Variants in UTP20 observed in about 807,000 individuals in gnomAD.
The protein encoded by UTP20 is small subunit processome component 20 homolog.
UTP20 carries 164 observed loss-of-function variants against 329.5 expected under a neutral mutation model. The observed-to-expected ratio is 0.50, with a 90% CI of 0.44 to 0.57. UTP20 has a LOEUF of 0.57. UTP20 is among the 20% of genes least tolerant of loss of function. The pLI is 0.00. For missense variants in UTP20, 3,055 were observed against 3,284.2 expected (o/e 0.93, Z 1.71); for synonymous variants, 1,151 against 1,159.3 (o/e 0.99, Z 0.14).
At position 101,346,432 on chromosome 12, in the gene UTP20, T is replaced by A. The variant is rs1205032925; in HGVS notation, c.4747-19T>A. Reference sequence around the variant, plus strand: ...GTGAGATTATTCGGTAACTAATTCATATTTTATCTTACCCATAGATCCACA... The same window carrying A: ...GTGAGATTATTCGGTAACTAATTCAAATTTTATCTTACCCATAGATCCACA... On this transcript the variant is annotated intron_variant, in intron 37 of 61. Coordinates refer to ENST00000261637, the MANE Select transcript of UTP20 (RefSeq NM_014503.3). 5 of 1,568,872 alleles carry A rather than the reference T, an allele frequency of 3.2e-6. No homozygotes were observed. The highest frequency in any genetic ancestry group is 4.3e-6 in the Non-Finnish European group (5 of 1,163,838).
intron 60 of UTP20, among the ~76,000 whole-genome samples, chr12:101,384,029 T>C (rs200962871): frequency 1.0e-5 from 1 of 100,430 alleles, no homozygotes; most frequent in Non-Finnish European, 2.3e-5. Flanking sequence ...AAAGAAAACT[T>C]ATATCAAGAT....
At chr12:101,370,947 A>G in intron 50 of UTP20, 111 bp from the exon 51 acceptor site, 1 of 863,762 alleles carries the variant, frequency 1.2e-6, no homozygotes, top group South Asian at 1.7e-5. Context: ...TCTTTTGAAG[A>G]TACTTTCTTG....
intron 19 of UTP20, among the ~76,000 whole-genome samples, chr12:101,311,375 C>G (rs984289647): frequency 3.9e-5 from 6 of 152,122 alleles, no homozygotes; most frequent in Non-Finnish European, 7.4e-5. Flanking sequence ...TAGTTTTGAA[C>G]AAACTGACTT....
At chr12:101,293,814 A>G (rs1171416447) in intron 11 of UTP20, among the ~76,000 whole-genome samples, 1 of 152,148 alleles carries the variant, frequency 6.6e-6, no homozygotes, top group African/African-American at 2.4e-5. Flanking sequence ...TTTCTGCCCC[A>G]GGAAGACTCT....
rs1872463380 is a variant in UTP20, at chr12:101,299,694, G to A, written c.1443G>A (p.Lys481=). 1.9e-6 allele frequency: 3 copies of A among 1,589,414 alleles called. No homozygotes were observed. In the East Asian group the frequency reaches 6.7e-5, roughly 36 times the overall value. Residue 481 remains lysine (K), a synonymous_variant, in exon 13 of 62, where the codon AAG becomes AAA. Coordinates refer to ENST00000261637, the MANE Select transcript of UTP20 (RefSeq NM_014503.3). ...FSPQMVGFYI[K]QKKTRSKGRN... ...TTTAATCCTTCAGATTCTATATAAA[G>A]CAGAAGAAGACTAGATCCAAGGGAA...
At chr12:101,361,633 AAAT>A (rs1869922143) in intron 43 of UTP20, among the ~76,000 whole-genome samples, 1 of 21,534 alleles carries the variant, frequency 4.6e-5, no homozygotes, top group Non-Finnish European at 7.2e-5. Flanking sequence ...TCTCAAAAAT[AAAT>A]AAATAAATAA....
intron 38 of UTP20, among the ~76,000 whole-genome samples, chr12:101,347,480 G>A (rs1040381749): frequency 7.2e-5 from 11 of 152,010 alleles, no homozygotes; most frequent in Non-Finnish European, 5.9e-5. Flanking sequence ...CCGAGATTAC[G>A]CTACTGCACT....
chr12:101,381,653 T>C (rs1870649306), intron 58 of UTP20, among the ~76,000 whole-genome samples: 1 of 152,210 alleles, frequency 6.6e-6, no homozygotes, highest in Admixed American at 6.5e-5. Flanking sequence ...TACACTCAAA[T>C]ATATGTTCAA....
chr12:101,331,797 T>C (rs1868770075), intron 27 of UTP20, among the ~76,000 whole-genome samples: 1 of 152,158 alleles, frequency 6.6e-6, no homozygotes, highest in South Asian at 2.1e-4. Flanking sequence ...TAAGGTGATA[T>C]ATAAAAATAA....
chr12:101,326,858 G>A, intron 25 of UTP20: 1 of 336,508 alleles, frequency 3.0e-6, no homozygotes, highest in Non-Finnish European at 5.3e-6. Context: ...CAGGTAGCTG[G>A]GACTACAGGC....
At chr12:101,322,491 A>G (rs1264749535) in intron 25 of UTP20, among the ~76,000 whole-genome samples, 1 of 152,206 alleles carries the variant, frequency 6.6e-6, no homozygotes, top group Non-Finnish European at 1.5e-5. Flanking sequence ...TACAAAGTTT[A>G]TATATGCTGG....
At chr12:101,372,991 G>A (rs1211503006) in intron 52 of UTP20, 28 bp downstream of exon 52, 1 of 1,589,042 alleles carries the variant, frequency 6.3e-7, no homozygotes, top group Admixed American at 1.7e-5. Flanking sequence ...ACTACACAGG[G>A]GCGGAGGGTA....
At chr12:101,327,809 TAATAACAGTAA>T (rs2137265546) in intron 26 of UTP20, among the ~76,000 whole-genome samples, 1 of 152,356 alleles carries the variant, frequency 6.6e-6, no homozygotes, top group Admixed American at 6.5e-5. Flanking sequence ...CAGTAATTAT[TAATAACAGTAA>T]TGACTAACAT....
chr12:101,379,748 T>C (rs997025371), intron 57 of UTP20, among the ~76,000 whole-genome samples, 190 bp downstream of exon 57: 2 of 152,176 alleles, frequency 1.3e-5, no homozygotes, highest in African/African-American at 4.8e-5. Context: ...TCAAAGATAA[T>C]TTTTAGACCA....
At chr12:101,306,856 A>G (rs1480395043) in intron 17 of UTP20, 95 bp downstream of exon 17, 1 of 1,250,284 alleles carries the variant, frequency 8.0e-7, no homozygotes, top group Non-Finnish European at 1.1e-6. Context: ...AAATTAACAC[A>G]CTATATAAAT....
At chr12:101,378,866 G>A (rs992541017) in intron 56 of UTP20, among the ~76,000 whole-genome samples, 1 of 152,106 alleles carries the variant, frequency 6.6e-6, no homozygotes, top group East Asian at 1.9e-4. Context: ...TGGTTTTCTA[G>A]TCGTTTCCAG....
chr12:101,351,773 A>G (rs1869537388), intron 38 of UTP20, among the ~76,000 whole-genome samples: 2 of 151,900 alleles, frequency 1.3e-5, no homozygotes, highest in African/African-American at 2.4e-5. Context: ...CGATTTTTCT[A>G]CATTGAATTT....
rs1245840268 is a variant in UTP20, at chr12:101,373,644, T to C, written c.7008T>C (p.Asn2336=). 6.2e-7 allele frequency: 1 copy of C among 1,613,388 alleles called. No homozygotes were observed. The highest frequency in any genetic ancestry group is 8.5e-7 in the Non-Finnish European group (1 of 1,179,886). The change falls in exon 54 of 62, where the codon AAT becomes AAC. Residue 2336 remains asparagine, a synonymous_variant. Coordinates refer to ENST00000261637, the MANE Select transcript of UTP20 (RefSeq NM_014503.3). ...FFIPLCLMTI[N]DDSATCKKMA... Reference sequence around the variant, plus strand: ...TCCCTCTTTGTCTAATGACGATCAATGATGACTCTGCCACGTGCAAAAAGA... The same window carrying C: ...TCCCTCTTTGTCTAATGACGATCAACGATGACTCTGCCACGTGCAAAAAGA...
Position 101,333,291 on chromosome 12 carries a change from T to C in UTP20, c.3418-10T>C. 1 of 1,611,420 alleles carries C rather than the reference T, an allele frequency of 6.2e-7. No individual in the cohort carries two copies. Among genetic ancestry groups the C allele is most frequent in the Non-Finnish European group, 8.5e-7 (1 of 1,179,116 alleles). On this transcript the variant is annotated splice_polypyrimidine_tract_variant and intron_variant, in intron 27 of 61. Coordinates refer to ENST00000261637, the MANE Select transcript of UTP20 (RefSeq NM_014503.3). The stretch of plus-strand genomic sequence containing the variant: ...ATGTATTTTTTGAACAGAAGATCTT[T>C]GTTTTACAGATACAGCTGAGATTTA...
Sources: allele counts gnomAD v4.1 joint callset (sites outside exome capture counted in the v4.1 genomes callset), GRCh38; gene constraint gnomAD v4.1.1; transcripts MANE v1.5; gene names NCBI Gene and HGNC (gene_info 2026-07-23, HGNC 2026-07-21).